DRC4: variants seen among roughly 807,000 people sequenced by gnomAD.
DRC4 encodes the protein dynein regulatory complex subunit 4.
the DRC4 span, chr16:90,044,308 G>A: frequency 9.4e-6 from 4 of 426,252 alleles, no homozygotes; most frequent in African/African-American, 2.1e-5. Flanking sequence ...GGTGAGTGAC[G>A]GGTGTGTCCT....
the DRC4 span, chr16:90,042,660 C>G: frequency 1.3e-6 from 1 of 762,816 alleles, no homozygotes; most frequent in Non-Finnish European, 2.2e-6. Context: ...GCAGCTGTCA[C>G]TGTCCCCACG....
the DRC4 span, chr16:90,036,733 C>A: frequency 2.6e-6 from 2 of 769,038 alleles, no homozygotes; most frequent in Admixed American, 2.0e-5. Context: ...CTCTCATATC[C>A]TTAACTGAAA....
the DRC4 span, among the ~76,000 whole-genome samples, chr16:90,022,361 A>G: frequency 6.6e-6 from 1 of 152,136 alleles, no homozygotes; most frequent in Non-Finnish European, 1.5e-5. Flanking sequence ...CATTCCTTCA[A>G]TGGTCCTTCA....
chr16:90,035,656 G>A, the DRC4 span: 4 of 1,614,184 alleles, frequency 2.5e-6, no homozygotes, highest in Non-Finnish European at 3.4e-6. Context: ...AGATCACCAG[G>A]ATGCGGAATG....
At chr16:90,036,357 C>G in the DRC4 span, 1 of 1,580,658 alleles carries the variant, frequency 6.3e-7, no homozygotes, top group Non-Finnish European at 8.6e-7. Context: ...CTCTGCTAAG[C>G]TGCTGTTTGC....
chr16:90,036,539 T>C, the DRC4 span: 2 of 1,605,816 alleles, frequency 1.2e-6, no homozygotes, highest in East Asian at 2.2e-5. Flanking sequence ...TAAGAACTAC[T>C]ACAACGACAT....
chr16:90,024,145 C>CAT, the DRC4 span, among the ~76,000 whole-genome samples: 1 of 150,782 alleles, frequency 6.6e-6, no homozygotes, highest in Non-Finnish European at 1.5e-5. Context: ...CACACTCACA[C>CAT]ACACACACAC....
chr16:90,028,798 T>G, the DRC4 span: 1 of 634,552 alleles, frequency 1.6e-6, no homozygotes, highest in Non-Finnish European at 2.3e-6. Context: ...CTCTGTGTTA[T>G]TGTTAATAAA....
the DRC4 span, among the ~76,000 whole-genome samples, chr16:90,033,525 G>A: frequency 6.6e-6 from 1 of 152,250 alleles, no homozygotes; most frequent in Non-Finnish European, 1.5e-5. Context: ...ACATTAGCTG[G>A]TGTAGTGGCA....
the DRC4 span, chr16:90,019,911 G>A: frequency 1.5e-6 from 1 of 681,388 alleles, no homozygotes; most frequent in Non-Finnish European, 2.7e-6. This position sits in a 1 kb window ranked among gnomAD's most constrained non-coding sequence, Gnocchi z 6.1. Flanking sequence ...GCGGGTGGGG[G>A]CGAGGGCGTG....
the DRC4 span, chr16:90,022,650 C>G: frequency 6.8e-4 from 951 of 1,397,498 alleles, 5 homozygotes; most frequent in African/African-American, 0.013. Flanking sequence ...CAGCGGTTGC[C>G]GGGAAACGGC....
At chr16:90,027,716 G>A in the DRC4 span, 1 of 1,614,206 alleles carries the variant, frequency 6.2e-7, no homozygotes, top group Non-Finnish European at 8.5e-7. Flanking sequence ...ACATGAGCAA[G>A]GAGCAGGTGA....
the DRC4 span, chr16:90,040,139 G>A: frequency 2.5e-5 from 17 of 680,772 alleles, no homozygotes; most frequent in Admixed American, 8.7e-5. Context: ...GGGCCAGGGC[G>A]CAGGCAGTGT....
At chr16:90,044,655 A>C in the DRC4 span, 1 of 468,110 alleles carries the variant, frequency 2.1e-6, no homozygotes, top group Non-Finnish European at 4.4e-6. Context: ...AGAGATGGGG[A>C]CCAGAAGCCC....
chr16:90,043,552 C>G, the DRC4 span: 4 of 607,244 alleles, frequency 6.6e-6, no homozygotes, highest in Admixed American at 2.7e-5. Flanking sequence ...CGCTCCCTTC[C>G]CTGGGTGCCG....
the DRC4 span, chr16:90,022,821 G>A: frequency 1.7e-6 from 2 of 1,158,274 alleles, no homozygotes; most frequent in Admixed American, 7.8e-5. Context: ...GGAATGGGAG[G>A]CCTGGAGCGC....
At chr16:90,030,658 C>T in the DRC4 span, among the ~76,000 whole-genome samples, 15 of 152,166 alleles carry the variant, frequency 9.9e-5, no homozygotes, top group South Asian at 3.1e-3. Flanking sequence ...ACTCTGTCAC[C>T]CAGGCTGGAG....
chr16:90,019,988 G>C, the DRC4 span: 2 of 698,880 alleles, frequency 2.9e-6, no homozygotes, highest in Non-Finnish European at 5.2e-6. This position sits in a 1 kb window ranked among gnomAD's most constrained non-coding sequence, Gnocchi z 6.1. Context: ...GGCCCGGGCT[G>C]CAGAGAGCGC....
At chr16:90,029,301 G>A in the DRC4 span, 1 of 1,365,778 alleles carries the variant, frequency 7.3e-7, no homozygotes, top group South Asian at 1.1e-5. Flanking sequence ...AGGGATGGGG[G>A]TGACCTGGAG....
Sources: gnomAD v4.1 joint callset for allele counts (sites outside exome capture counted in the v4.1 genomes callset) on GRCh38, gnomAD v4.1.1 for gene constraint, Gnocchi (gnomAD v3.1) non-coding constraint, MANE v1.5 for transcripts, NCBI Gene and HGNC (gene_info 2026-07-23, HGNC 2026-07-21) for gene names.